The following EIF5B variants were observed in gnomAD, a reference collection of about 807,000 sequenced individuals.
EIF5B encodes the protein eIF-5B.
A neutral mutation model predicts 147.5 loss-of-function variants in EIF5B; 47 were observed. That is an observed-to-expected ratio of 0.32 (90% CI 0.25 to 0.41). EIF5B has a LOEUF of 0.41. Among genes scored for constraint, EIF5B ranks in the 10% least tolerant of loss-of-function variants. The pLI, the probability that EIF5B is intolerant of heterozygous loss-of-function variation, is 1.00. For missense variants in EIF5B, 1,064 were observed against 1,413.2 expected (o/e 0.75, Z 3.96); for synonymous variants, 455 against 456.2 (o/e 1.00, Z 0.03).
intron 9 of EIF5B, among the ~76,000 whole-genome samples, chr2:99,374,149 C>T (rs1231066378): frequency 6.6e-6 from 1 of 152,006 alleles, no homozygotes; most frequent in Admixed American, 6.6e-5. Flanking sequence ...TTTAGCTGGG[C>T]GTGGTGGCGT....
chr2:99,389,076 G>A lies in EIF5B; in HGVS notation c.2272-642G>A, dbSNP rs888976567. On this transcript the variant is annotated intron_variant, in intron 14 of 23. Transcript: ENST00000289371. Reference sequence around the variant, plus strand: ...CTCATATGCTAATTTTAACATCTTCGTCATTTCCTACTGATTTGTCTCCTT... The same window carrying A: ...CTCATATGCTAATTTTAACATCTTCATCATTTCCTACTGATTTGTCTCCTT... Among the ~76,000 whole-genome samples, 4 of 152,110 alleles carry A rather than the reference G, an allele frequency of 2.6e-5. No homozygotes were observed. In the East Asian group the frequency reaches 7.7e-4, roughly 29 times the overall value.
chr2:99,394,644 C>T (rs1408652836), intron 20 of EIF5B, 59 bp downstream of exon 20: 2 of 1,611,364 alleles, frequency 1.2e-6, no homozygotes, highest in East Asian at 4.5e-5. Context: ...TAAAACTGTC[C>T]TATCTTAAAA....
chr2:99,383,061 T>A, intron 14 of EIF5B, 140 bp downstream of exon 14: 1 of 902,812 alleles, frequency 1.1e-6, no homozygotes, highest in Non-Finnish European at 1.5e-6. Flanking sequence ...ATATTGTGTG[T>A]GTGTGTGTAT....
chr2:99,395,660 A>G (rs1256773087), intron 21 of EIF5B, among the ~76,000 whole-genome samples: 3 of 152,180 alleles, frequency 2.0e-5, no homozygotes, highest in Non-Finnish European at 2.9e-5. Flanking sequence ...TTGCAGGACA[A>G]TTGACACATG....
At chr2:99,376,806 C>T (rs1574933603) in intron 10 of EIF5B, among the ~76,000 whole-genome samples, 170 bp downstream of exon 10, 1 of 152,250 alleles carries the variant, frequency 6.6e-6, no homozygotes, top group East Asian at 1.9e-4. Flanking sequence ...TGGTCTTACC[C>T]AAGGACCCCC....
intron 18 of EIF5B, among the ~76,000 whole-genome samples, chr2:99,393,668 A>G (rs960348262): frequency 6.6e-6 from 1 of 152,224 alleles, no homozygotes; most frequent in Non-Finnish European, 1.5e-5. Flanking sequence ...TTTAGGCAGC[A>G]TCAAGTCATG....
chr2:99,386,202 A>C (rs533955024), intron 14 of EIF5B, among the ~76,000 whole-genome samples: 24 of 152,288 alleles, frequency 1.6e-4, no homozygotes, highest in African/African-American at 5.5e-4. Context: ...GTTGAGTGCA[A>C]AATTATTGTG....
At chr2:99,369,559 T>C (rs753712518) in intron 8 of EIF5B, 78 bp downstream of exon 8, 3 of 1,202,718 alleles carry the variant, frequency 2.5e-6, no homozygotes, top group South Asian at 1.5e-5. Context: ...GTCTTAGTTA[T>C]TATAAATAAT....
chr2:99,380,545 T>G (rs1674667739), intron 12 of EIF5B, among the ~76,000 whole-genome samples: 1 of 152,218 alleles, frequency 6.6e-6, no homozygotes, highest in Admixed American at 6.5e-5. Flanking sequence ...TGTTCCCGGC[T>G]CATGTAATAT....
chr2:99,374,330 C>A (rs972313772), intron 9 of EIF5B, among the ~76,000 whole-genome samples: 30 of 140,616 alleles, frequency 2.1e-4, no homozygotes, highest in East Asian at 2.3e-4. Flanking sequence ...TTTCTCATTT[C>A]TTTTCATTAT....
chr2:99,368,683 A>G (rs1168244733), intron 7 of EIF5B, 92 bp downstream of exon 7: 2 of 957,214 alleles, frequency 2.1e-6, no homozygotes, highest in East Asian at 5.1e-5. Context: ...AAGAAAGGAA[A>G]AAATCCGAAA....
chr2:99,389,886 C>G (rs1674887411), intron 15 of EIF5B, 37 bp downstream of exon 15: 1 of 1,582,028 alleles, frequency 6.3e-7, no homozygotes, highest in Non-Finnish European at 8.5e-7. Context: ...GAGCCTATCT[C>G]AGAATATGTA....
At chr2:99,358,308 C>G (rs1574923708) in intron 1 of EIF5B, among the ~76,000 whole-genome samples, 2 of 152,230 alleles carry the variant, frequency 1.3e-5, no homozygotes, top group South Asian at 4.1e-4. Flanking sequence ...CTCAAGTGAT[C>G]TGCCTGCCTC....
rs1675288728 is a variant in EIF5B, at chr2:99,400,915, T to C, written c.*1501T>C. 6.1e-6 allele frequency: 1 copy of C among 164,466 alleles called. No homozygotes were observed. The highest frequency in any genetic ancestry group is 1.3e-5 in the Non-Finnish European group (1 of 75,812). 10.2% of individuals were successfully genotyped at this position (164,466 alleles called of 1,614,324 possible). On this transcript the variant is annotated 3_prime_UTR_variant, in exon 24 of 24. Transcript: ENST00000289371. ...AGTAGTTGCTTCCTAGAGTTGAGTT[T>C]TTAAGGATTCACAAAAAGGAGCCTG...
chr2:99,360,443 A>G (rs1313757492), intron 2 of EIF5B, 22 bp from the exon 3 acceptor site: 2 of 1,609,976 alleles, frequency 1.2e-6, no homozygotes, highest in Non-Finnish European at 1.7e-6. Context: ...GTGCTTCACA[A>G]TGTATTTTAA....
rs1022003819 is a variant in EIF5B, at chr2:99,378,925, G to A, written c.1843-94G>A. ...TCAACAAAGAACTTGGATGCAGGTT[G>A]TAGCATTCTTTTGCCAAGGCAAAAC... On this transcript the variant is annotated intron_variant, in intron 10 of 23. Transcript: ENST00000289371. The A allele has an allele frequency of 1.2e-5, 11 of 931,628 alleles. No homozygotes were observed. The African/African-American group carries it at 1.7e-4, about 14-fold the overall frequency. The allele number at this position is 931,628 out of a possible 1,614,324, so 57.7% of individuals were successfully genotyped here.
chr2:99,342,968 C>CT (rs536924397), intron 1 of EIF5B, among the ~76,000 whole-genome samples: 73 of 145,974 alleles, frequency 5.0e-4, no homozygotes, highest in Middle Eastern at 7.1e-3. Flanking sequence ...TTCTTTCTTT[C>CT]TTTTTTTTTT....
At chr2:99,369,512 T>C in intron 8 of EIF5B, 31 bp downstream of exon 8, 1 of 1,524,794 alleles carries the variant, frequency 6.6e-7, no homozygotes, top group Non-Finnish European at 9.0e-7. Context: ...ATTTAATTAG[T>C]GAATTCTTAT....
At chr2:99,396,950 T>A in intron 22 of EIF5B, 52 bp downstream of exon 22, 11 of 1,555,452 alleles carry the variant, frequency 7.1e-6, no homozygotes, top group Non-Finnish European at 8.7e-6. Context: ...ACTAAATGAG[T>A]GTCCAAGAGT....
Sources: allele counts gnomAD v4.1 joint callset (sites outside exome capture counted in the v4.1 genomes callset), GRCh38; gene constraint gnomAD v4.1.1; transcripts MANE v1.5; gene names NCBI Gene and HGNC (gene_info 2026-07-23, HGNC 2026-07-21).